TELO2: variants seen among roughly 807,000 people sequenced by gnomAD.
The protein encoded by TELO2 is telomere length regulation protein TEL2 homolog.
TELO2 carries 71 observed loss-of-function variants against 91.0 expected under a neutral mutation model. The ratio of observed to expected loss-of-function variants is 0.78; its 90% CI spans 0.64 to 0.95. The LOEUF is 0.95. Among genes scored for constraint, TELO2 ranks in the 40% least tolerant of loss-of-function variants. The probability of loss-of-function intolerance (pLI) is 0.00; values close to 1 mark genes in which losing one functional copy is unlikely to be tolerated. For synonymous variants in TELO2, 584 were observed against 518.9 expected (o/e 1.13, Z -1.71); for missense variants, 1,183 against 1,141.3 (o/e 1.04, Z -0.53).
In TELO2 at chr16:1,494,206, A is replaced by C; in HGVS notation, c.-36-40A>C. On this transcript the variant is annotated intron_variant, in intron 1 of 20. Coordinates refer to ENST00000262319, the MANE Select transcript of TELO2 (RefSeq NM_016111.4). This position sits in a 1 kb window ranked among gnomAD's most constrained non-coding sequence, Gnocchi z 5.6. Reference sequence around the variant, plus strand: ...GGGGCTTCCTGAGCTTGTGTGGATTATTTCCGTGCCCCAAGCTGAGCCCTG... The same window carrying C: ...GGGGCTTCCTGAGCTTGTGTGGATTCTTTCCGTGCCCCAAGCTGAGCCCTG... 7.0e-7 allele frequency: 1 copy of C among 1,435,554 alleles called. No homozygotes were observed. Among genetic ancestry groups the C allele is most frequent in the Non-Finnish European group, 9.5e-7 (1 of 1,048,390 alleles). The allele number at this position is 1,435,554 out of a possible 1,614,324, so 88.9% of individuals were successfully genotyped here.
Position 1,497,100 on chromosome 16 carries a change from G to A in TELO2, c.678G>A (p.Arg226=). 1 of 1,614,002 alleles carries A rather than the reference G, an allele frequency of 6.2e-7. No homozygotes were observed. The highest frequency in any genetic ancestry group is 1.1e-5 in the South Asian group (1 of 91,074). ...TTGGGAAAGCCTGTGTCCACGGGAG[G>A]CAGCGTGAGTAGAGCAGTGCCTTCC... ...QVLGKACVHG[R]QQEILGVLVP... Residue 226 remains arginine, a synonymous_variant, in exon 4 of 21, where the codon AGG becomes AGA. Transcript: ENST00000262319. This position sits in a 1 kb window ranked among gnomAD's most constrained non-coding sequence, Gnocchi z 4.0.
At chr16:1,506,887 C>A (rs760544305) in intron 17 of TELO2, 65 bp from the exon 18 acceptor site, 17 of 1,506,214 alleles carry the variant, frequency 1.1e-5, no homozygotes, top group Non-Finnish European at 1.3e-5. Context: ...CCCACGGTGG[C>A]CCAGGAGGTT....
rs1442831169 is a variant in TELO2 at position 1,495,551 on chromosome 16, C to T, written c.541C>T (p.Pro181Ser). Reference sequence around the variant, plus strand: ...GCAGGAGAACTTGGCCGAGTTCTTCCCCCAGAACTACTTCCGCCTGCTCGG... The same window carrying T: ...GCAGGAGAACTTGGCCGAGTTCTTCTCCCAGAACTACTTCCGCCTGCTCGG... Reference protein sequence around the residue: ...LQQENLAEFFPQNYFRLLGEE... With the variant: ...LQQENLAEFFSQNYFRLLGEE... Residue 181 changes from proline (P) to serine (S), a missense_variant, in exon 3 of 21, where the codon CCC becomes TCC. Transcript: ENST00000262319. The T allele has an allele frequency of 6.2e-7, 1 of 1,611,908 alleles. No homozygotes were observed. The highest frequency in any genetic ancestry group is 1.3e-5 in the African/African-American group (1 of 74,944).
chr16:1,501,520 G>A, intron 10 of TELO2, 21 bp downstream of exon 10: 2 of 1,597,056 alleles, frequency 1.3e-6, no homozygotes, highest in Admixed American at 3.4e-5. Flanking sequence ...CTGCCCCCCG[G>A]GACCCCACCG....
At chr16:1,500,062 C>T in intron 6 of TELO2, 34 bp from the exon 7 acceptor site, 1 of 1,593,506 alleles carries the variant, frequency 6.3e-7, no homozygotes. Flanking sequence ...GCGGCGGCCT[C>T]AGCCCAGTGG....
chr16:1,496,694 C>G (rs2039504907), intron 3 of TELO2, among the ~76,000 whole-genome samples: 1 of 152,254 alleles, frequency 6.6e-6, no homozygotes, highest in Non-Finnish European at 1.5e-5. Flanking sequence ...ATGCCCGGCT[C>G]AGGGCCCAGG....
rs2039847958 is a variant in TELO2 at position 1,505,286 on chromosome 16, G to C, written c.1843-124G>C. On this transcript the variant is annotated intron_variant, in intron 15 of 20. Coordinates refer to ENST00000262319, the MANE Select transcript of TELO2 (RefSeq NM_016111.4). The surrounding 1 kb of genome is among the most constrained non-coding windows in gnomAD (Gnocchi z 4.3). ...GAAGTGACTTTTCTCCTTGTTCCCAGAACACACCTTCTCCCAGGCTGGGCG... is the reference window on the plus strand; with the variant it reads ...GAAGTGACTTTTCTCCTTGTTCCCACAACACACCTTCTCCCAGGCTGGGCG... The C allele has an allele frequency of 8.4e-7, 1 of 1,183,992 alleles. No individual in the cohort carries two copies. The highest frequency in any genetic ancestry group is 1.2e-6 in the Non-Finnish European group (1 of 856,958). The allele number at this position is 1,183,992 out of a possible 1,614,324, so 73.3% of individuals were successfully genotyped here. A position where few individuals can be genotyped will look rare whatever the true frequency, so the allele number is the denominator to read the frequency against.
intron 14 of TELO2, 43 bp downstream of exon 14, chr16:1,502,804 G>T: frequency 6.2e-7 from 1 of 1,603,822 alleles, no homozygotes; most frequent in South Asian, 1.1e-5. Context: ...CAGGCACAGC[G>T]GGAAGCACTG....
At chr16:1,495,671 C>T (rs1479369616) in intron 3 of TELO2, 48 bp downstream of exon 3, 1 of 1,533,862 alleles carries the variant, frequency 6.5e-7, no homozygotes, top group African/African-American at 1.4e-5. Flanking sequence ...CTTCTTGGGT[C>T]CTCGTCCCCT....
rs974352108 is a variant in TELO2, at chr16:1,504,974, C to T, written c.1843-436C>T. ...CCCAGCCTGGGAGCCTCCGGTCTGG[C>T]GCTGGCCTGTTGAGAAGGTGTCCTA... On this transcript the variant is annotated intron_variant, in intron 15 of 20. Coordinates refer to ENST00000262319, the MANE Select transcript of TELO2 (RefSeq NM_016111.4). 1.1e-4 allele frequency among the ~76,000 whole-genome samples: 17 copies of T among 152,230 alleles called. No homozygotes were observed. The East Asian group carries it at 1.2e-3, about 10-fold the overall frequency.
chr16:1,497,279 A>T lies in TELO2; in HGVS notation c.683-82A>T. On this transcript the variant is annotated intron_variant, in intron 4 of 20. Transcript: ENST00000262319. This position sits in a 1 kb window ranked among gnomAD's most constrained non-coding sequence, Gnocchi z 4.0. ...GCTGTGCTTACTGGGGAGCTGTGGGACTGTCCTTGCTGGACCCACACAGCC... is the reference window on the plus strand; with the variant it reads ...GCTGTGCTTACTGGGGAGCTGTGGGTCTGTCCTTGCTGGACCCACACAGCC... 2.0e-6 allele frequency: 3 copies of T among 1,492,268 alleles called. No homozygotes were observed. In the South Asian group the frequency reaches 4.0e-5, roughly 20 times the overall value. 92.4% of individuals were successfully genotyped at this position (1,492,268 alleles called of 1,614,324 possible).
intron 15 of TELO2, among the ~76,000 whole-genome samples, chr16:1,503,377 G>A (rs982002951): frequency 4.6e-5 from 7 of 152,050 alleles, no homozygotes; most frequent in Non-Finnish European, 1.0e-4. Flanking sequence ...ACCCGCTTGG[G>A]CACCACAATG....
intron 15 of TELO2, among the ~76,000 whole-genome samples, chr16:1,504,218 A>C (rs1342936290): frequency 6.6e-6 from 1 of 151,314 alleles, no homozygotes; most frequent in Non-Finnish European, 1.5e-5. Flanking sequence ...GCGGATCATG[A>C]GGTCAGGAGT....
rs1453506479 is a variant in TELO2, at chr16:1,504,907, C to T, written c.1843-503C>T. On this transcript the variant is annotated intron_variant, in intron 15 of 20. Coordinates refer to ENST00000262319, the MANE Select transcript of TELO2 (RefSeq NM_016111.4). Reference sequence around the variant, plus strand: ...CTAGTCCCAGAGCGTCCTTATCACCCCAGAGGGAAACCCCATCCCTGTCAG... The same window carrying T: ...CTAGTCCCAGAGCGTCCTTATCACCTCAGAGGGAAACCCCATCCCTGTCAG... Among the ~76,000 whole-genome samples the T allele has an allele frequency of 5.9e-5, 9 of 152,264 alleles. No individual in the cohort carries two copies. The East Asian group carries it at 1.7e-3, about 29-fold the overall frequency.
rs759877618 is a variant in TELO2, at chr16:1,500,152, G to A, written c.990G>A (p.Pro330=). 8.7e-6 allele frequency: 14 copies of A among 1,605,390 alleles called. No individual in the cohort carries two copies. Among genetic ancestry groups the A allele is most frequent in the Admixed American group, 5.0e-5 (3 of 59,782 alleles). The part of the protein sequence containing the change: ...GHLAMDSQRR[P]LLLQVLKELL... ...TGGCCATGGACAGCCAGCGGCGCCC[G>A]CTCCTGCTGCAGGTACGTGCCTCCT... Residue 330 remains proline (P), a synonymous_variant, in exon 7 of 21, where the codon CCG becomes CCA. Coordinates refer to ENST00000262319, the MANE Select transcript of TELO2 (RefSeq NM_016111.4).
chr16:1,497,521 G>GCTGT lies in TELO2; in HGVS notation c.830+15_830+18dup, dbSNP rs1480476790. Reference sequence around the variant, plus strand: ...AGGCCGCACTGGGGTAAGCAGCCAGGCTGTCCTCCAGCTGCACTGGCTTCT... The same window carrying GCTGT: ...AGGCCGCACTGGGGTAAGCAGCCAGGCTGTCTGTCCTCCAGCTGCACTGGCTTCT... On this transcript the variant is annotated intron_variant, in intron 5 of 20. Coordinates refer to ENST00000262319, the MANE Select transcript of TELO2 (RefSeq NM_016111.4). This position sits in a 1 kb window ranked among gnomAD's most constrained non-coding sequence, Gnocchi z 4.0. 6.5e-7 allele frequency: 1 copy of GCTGT among 1,546,320 alleles called. No individual in the cohort carries two copies. The highest frequency in any genetic ancestry group is 1.9e-5 in the Admixed American group (1 of 52,056).
rs1567294771 is a variant in TELO2, at chr16:1,497,423, C to G, written c.745C>G (p.Gln249Glu). 6 of 1,556,458 alleles carry G rather than the reference C, an allele frequency of 3.9e-6. No homozygotes were observed. Among genetic ancestry groups the G allele is most frequent in the Non-Finnish European group, 5.2e-6 (6 of 1,150,730 alleles). The change falls in exon 5 of 21, where the codon CAG becomes GAG. Residue 249 changes from glutamine (Q) to glutamate (E), a missense_variant. Gln to Glu is a conservative substitution (Grantham distance 29, BLOSUM62 2). Coordinates refer to ENST00000262319, the MANE Select transcript of TELO2 (RefSeq NM_016111.4). This position sits in a 1 kb window ranked among gnomAD's most constrained non-coding sequence, Gnocchi z 4.0. The part of the protein sequence containing the change: ...AALTQGSYLH[Q>E]RVCWRLVEQV... Reference sequence around the variant, plus strand: ...GCTCACCCAGGGCAGCTACCTGCACCAGCGCGTCTGCTGGCGCCTGGTGGA... The same window carrying G: ...GCTCACCCAGGGCAGCTACCTGCACGAGCGCGTCTGCTGGCGCCTGGTGGA...
At chr16:1,499,414 G>A in intron 6 of TELO2, 81 bp downstream of exon 6, 2 of 1,494,690 alleles carry the variant, frequency 1.3e-6, no homozygotes, top group Non-Finnish European at 1.9e-6. Flanking sequence ...TCGGAGCGGT[G>A]TCTGCTGCCT....
At chr16:1,507,759 C>T in intron 20 of TELO2, 43 bp downstream of exon 20, 10 of 1,389,680 alleles carry the variant, frequency 7.2e-6, no homozygotes, top group Non-Finnish European at 7.6e-6. Context: ...GTGTGTCGGC[C>T]CGGGGTGTGT....
Sources: gnomAD v4.1 joint callset for allele counts (sites outside exome capture counted in the v4.1 genomes callset) on GRCh38, gnomAD v4.1.1 for gene constraint, Gnocchi (gnomAD v3.1) non-coding constraint, MANE v1.5 for transcripts, NCBI Gene and HGNC (gene_info 2026-07-23, HGNC 2026-07-21) for gene names.